Variants in EMCN observed in about 807,000 individuals in gnomAD.
EMCN encodes the protein endomucin, also known as MUC-14.
Under a neutral mutation model 38.4 loss-of-function variants are expected in EMCN, and 37 were observed. The observed-to-expected ratio is 0.96, with a 90% CI of 0.74 to 1.27. The LOEUF (loss-of-function observed/expected upper bound fraction) is 1.27. EMCN is among the 50% of genes most tolerant of loss of function. The pLI, the probability that EMCN is intolerant of heterozygous loss-of-function variation, is 0.00. For missense variants in EMCN, 318 were observed against 302.8 expected, an observed-to-expected ratio of 1.05 and a Z score of -0.37; for synonymous variants, 95 against 100.8, an observed-to-expected ratio of 0.94 and a Z score of 0.35.
chr4:100,432,405 C>A (rs916299109), intron 5 of EMCN, among the ~76,000 whole-genome samples: 1 of 152,132 alleles, frequency 6.6e-6, no homozygotes, highest in Non-Finnish European at 1.5e-5. Flanking sequence ...TACATGACTA[C>A]TAGAATTATT....
chr4:100,447,400 C>T, intron 5 of EMCN, 133 bp downstream of exon 5: 1 of 653,946 alleles, frequency 1.5e-6, no homozygotes, highest in East Asian at 2.7e-5. Context: ...TTTTTCTAAA[C>T]ATTTTATTTG....
intron 11 of EMCN, among the ~76,000 whole-genome samples, chr4:100,398,629 T>C (rs76531494): frequency 0.019 from 2,926 of 152,244 alleles, 105 homozygotes; most frequent in African/African-American, 0.066. Context: ...ATTTCCTCCA[T>C]GATGCATTCA....
intron 1 of EMCN, among the ~76,000 whole-genome samples, chr4:100,516,280 C>T (rs2110315902): frequency 6.6e-6 from 1 of 152,182 alleles, no homozygotes; most frequent in South Asian, 2.1e-4. Context: ...CCAGGTATTG[C>T]AGGCTACTTC....
At chr4:100,451,747 T>G (rs913830376) in intron 4 of EMCN, among the ~76,000 whole-genome samples, 1 of 152,028 alleles carries the variant, frequency 6.6e-6, no homozygotes, top group Non-Finnish European at 1.5e-5. Flanking sequence ...CTGAACTTGT[T>G]TCCTTATTTG....
chr4:100,516,564 A>T (rs191369870), intron 1 of EMCN, among the ~76,000 whole-genome samples: 2 of 152,238 alleles, frequency 1.3e-5, no homozygotes, highest in East Asian at 3.9e-4. Flanking sequence ...TCTTTATTTT[A>T]AAAAATCAGA....
chr4:100,489,497 A>G (rs76889303), intron 1 of EMCN, among the ~76,000 whole-genome samples: 179 of 152,298 alleles, frequency 1.2e-3, no homozygotes, highest in African/African-American at 4.1e-3. Context: ...GCAAGATGAT[A>G]AAGGAGCTGA....
rs779937492 is a variant in EMCN at position 100,514,392 on chromosome 4, T to C, written c.64+3459A>G. On this transcript the variant is annotated intron_variant, in intron 1 of 11. Coordinates refer to ENST00000296420, the MANE Select transcript of EMCN (RefSeq NM_016242.4). ...ACACTTTCTACTTCCTTAAAGCTCT[T>C]CCTAGACCCTTCTTTTCATTTTATT... Among the ~76,000 whole-genome samples the C allele has an allele frequency of 1.8e-4, 28 of 152,184 alleles. No homozygotes were observed. The Middle Eastern group carries it at 0.01, about 55-fold the overall frequency.
rs537039950 is a variant in EMCN at position 100,509,081 on chromosome 4, G to T, written c.64+8770C>A. Among the ~76,000 whole-genome samples, 17 of 152,252 alleles carry T rather than the reference G, an allele frequency of 1.1e-4. No individual in the cohort carries two copies. The South Asian group carries it at 3.5e-3, about 32-fold the overall frequency. On this transcript the variant is annotated intron_variant, in intron 1 of 11. Coordinates refer to ENST00000296420, the MANE Select transcript of EMCN (RefSeq NM_016242.4). Reference sequence around the variant, plus strand: ...CAGAATTCTCCAAATTAAAGCAAGGGCTAGCTACGAAATATCACCTATGTG... The same window carrying T: ...CAGAATTCTCCAAATTAAAGCAAGGTCTAGCTACGAAATATCACCTATGTG...
intron 11 of EMCN, among the ~76,000 whole-genome samples, chr4:100,400,353 A>ATTTTTTTTTTTTTTTTTTTTTTTTTTTT (rs3214622): frequency 6.8e-6 from 1 of 146,748 alleles, no homozygotes. Flanking sequence ...CCTAGGCCAC[A>ATTTTTTTTTTTTTTTTTTTTTTTTTTTT]TTTTTTTTTT....
chr4:100,497,259 A>C (rs574448625), intron 1 of EMCN, among the ~76,000 whole-genome samples: 1 of 151,842 alleles, frequency 6.6e-6, no homozygotes, highest in African/African-American at 2.4e-5. Flanking sequence ...AAAAAAAAAA[A>C]AAAACTAGAT....
At chr4:100,435,523 A>G (rs1178336444) in intron 5 of EMCN, among the ~76,000 whole-genome samples, 1 of 152,178 alleles carries the variant, frequency 6.6e-6, no homozygotes, top group African/African-American at 2.4e-5. Flanking sequence ...TAGGAAAAAA[A>G]CTATTTTAAA....
chr4:100,449,259 T>C (rs927348350), intron 4 of EMCN, among the ~76,000 whole-genome samples: 1 of 152,162 alleles, frequency 6.6e-6, no homozygotes, highest in African/African-American at 2.4e-5. Context: ...TAAGCAACTT[T>C]TATGATCAGT....
chr4:100,460,899 G>A (rs895037585), intron 4 of EMCN, among the ~76,000 whole-genome samples: 2 of 152,052 alleles, frequency 1.3e-5, no homozygotes, highest in African/African-American at 4.8e-5. Flanking sequence ...TTTCTCCTAG[G>A]TTTTCTTCTA....
chr4:100,423,349 T>C lies in EMCN; in HGVS notation c.471A>G (p.Ile157Met). The C allele has an allele frequency of 6.2e-7, 1 of 1,613,096 alleles. No homozygotes were observed. The highest frequency in any genetic ancestry group is 8.5e-7 in the Non-Finnish European group (1 of 1,179,402). ...AGGTGTTTTCTGGAATTGTAACTGG[T>C]ATTGAGGTTAATGTACCAGTTTTAG... The part of the protein sequence containing the change: ...SPSKTGTLTS[I>M]PVTIPENTSQ... The change falls in exon 6 of 12, where the codon ATA (isoleucine) becomes ATG (methionine). Residue 157 changes from isoleucine (I) to methionine (M), a missense_variant. Transcript: ENST00000296420.
intron 2 of EMCN, among the ~76,000 whole-genome samples, chr4:100,479,087 A>G (rs1438533969): frequency 6.6e-6 from 1 of 152,174 alleles, no homozygotes; most frequent in Non-Finnish European, 1.5e-5. Context: ...ACTAGCTTTC[A>G]TTGGTCTTCT....
At chr4:100,422,686 T>C (rs998045763) in intron 7 of EMCN, among the ~76,000 whole-genome samples, 2 of 152,000 alleles carry the variant, frequency 1.3e-5, no homozygotes, top group African/African-American at 4.8e-5. Context: ...TACCTGTGCA[T>C]TTTGACTTAT....
At chr4:100,491,982 C>T (rs920559656) in intron 1 of EMCN, among the ~76,000 whole-genome samples, 6 of 152,130 alleles carry the variant, frequency 3.9e-5, no homozygotes, top group South Asian at 2.1e-4. Context: ...TGCAAGGATA[C>T]GAGGATTACA....
At chr4:100,422,306 A>G (rs1203674300) in intron 7 of EMCN, among the ~76,000 whole-genome samples, 1 of 152,098 alleles carries the variant, frequency 6.6e-6, no homozygotes, top group Non-Finnish European at 1.5e-5. Context: ...TGCCTCCCAA[A>G]TGAAGATGCC....
chr4:100,507,102 A>G (rs1339927560), intron 1 of EMCN, among the ~76,000 whole-genome samples: 1 of 152,212 alleles, frequency 6.6e-6, no homozygotes, highest in Non-Finnish European at 1.5e-5. Flanking sequence ...CTATTTTTAA[A>G]TGTGGCTAAA....
Sources: allele counts gnomAD v4.1 joint callset (sites outside exome capture counted in the v4.1 genomes callset), GRCh38; gene constraint gnomAD v4.1.1; transcripts MANE v1.5; gene names NCBI Gene and HGNC (gene_info 2026-07-23, HGNC 2026-07-21).